The following GYS1 variants were observed in gnomAD, a reference collection of about 807,000 sequenced individuals.
GYS1 encodes the protein glycogen synthase 1, also known as glycogen [starch] synthase, muscle.
Under a neutral mutation model 89.1 loss-of-function variants are expected in GYS1, and 60 were observed. The ratio of observed to expected loss-of-function variants is 0.67; its 90% confidence interval spans 0.55 to 0.84. GYS1 has a LOEUF of 0.84. Ranked by LOEUF, GYS1 falls within the 40% of genes least tolerant of loss-of-function variation. The pLI is 0.00. For synonymous variants in GYS1, 366 were observed against 401.7 expected (o/e 0.91, Z 1.06); for missense variants, 888 against 1,003.1 (o/e 0.89, Z 1.55).
chr19:48,986,195 G>A (rs1262347762), intron 3 of GYS1, among the ~76,000 whole-genome samples, 160 bp from the exon 4 acceptor site: 1 of 152,220 alleles, frequency 6.6e-6, no homozygotes, highest in African/African-American at 2.4e-5. Flanking sequence ...ACAGGGACCT[G>A]TAAATCCCTG....
At chr19:48,985,716 T>C in intron 4 of GYS1, 111 bp from the exon 5 acceptor site, 1 of 1,507,672 alleles carries the variant, frequency 6.6e-7, no homozygotes, top group Non-Finnish European at 9.2e-7. Context: ...TTCCTGGGTC[T>C]GAGGTAGGAG....
chr19:48,974,740 G>A lies in GYS1; in HGVS notation c.1309-7C>T, dbSNP rs746250182. 1.3e-6 allele frequency: 2 copies of A among 1,589,498 alleles called. No individual in the cohort carries two copies. The highest frequency in any genetic ancestry group is 1.7e-6 in the Non-Finnish European group (2 of 1,157,908). ...CAGGGGGGAAAGACTGCCGCTGCAG[G>A]AGCCACAAGAAGGGTAAGGGGTCAT... On this transcript the variant is annotated splice_polypyrimidine_tract_variant and splice_region_variant and intron_variant, in intron 10 of 15. Transcript: ENST00000323798.
In GYS1 at chr19:48,968,151, T is replaced by G. The variant is rs1225607272; in HGVS notation, c.*1137A>C. ...GGGATTCTTAAATATAGATGTATTTTTTTCATCTCATCTCCGGACACACTC... is the reference window on the plus strand; with the variant it reads ...GGGATTCTTAAATATAGATGTATTTGTTTCATCTCATCTCCGGACACACTC... On this transcript the variant is annotated 3_prime_UTR_variant, in exon 16 of 16. Coordinates refer to ENST00000323798, the MANE Select transcript of GYS1 (RefSeq NM_002103.5). The G allele has an allele frequency of 2.2e-6, 1 of 451,780 alleles. No individual in the cohort carries two copies. Among genetic ancestry groups the G allele is most frequent in the Non-Finnish European group, 4.4e-6 (1 of 225,212 alleles). 28.0% of individuals were successfully genotyped at this position (451,780 alleles called of 1,614,324 possible).
At chr19:48,979,168 C>T (rs962042959) in intron 8 of GYS1, among the ~76,000 whole-genome samples, 10 of 151,840 alleles carry the variant, frequency 6.6e-5, no homozygotes, top group African/African-American at 2.4e-5. Context: ...ATGCTAAGCC[C>T]CATTTTATAC....
At position 48,982,912 on chromosome 19, in the gene GYS1, G is replaced by A. The variant is rs1239139500; in HGVS notation, c.824-75C>T. On this transcript the variant is annotated intron_variant, in intron 5 of 15. Transcript: ENST00000323798. ...TGTTGTGGTTGAATGAATAAATGAAGAAAACACCCTTTGCCTTTTGCAATT... is the reference window on the plus strand; with the variant it reads ...TGTTGTGGTTGAATGAATAAATGAAAAAAACACCCTTTGCCTTTTGCAATT... The A allele has an allele frequency of 1.3e-5, 14 of 1,105,014 alleles. No homozygotes were observed. The East Asian group carries it at 3.1e-4, about 24-fold the overall frequency. 68.5% of individuals were successfully genotyped at this position (1,105,014 alleles called of 1,614,324 possible). A position where few individuals can be genotyped will look rare whatever the true frequency, so the allele number is the denominator to read the frequency against.
At chr19:48,971,046 C>A in intron 12 of GYS1, 23 bp from the exon 13 acceptor site, 1 of 1,512,070 alleles carries the variant, frequency 6.6e-7, no homozygotes, top group African/African-American at 1.4e-5. Flanking sequence ...AGGAGAGAGA[C>A]CCACTTAGCT....
intron 5 of GYS1, among the ~76,000 whole-genome samples, 193 bp from the exon 6 acceptor site, chr19:48,983,030 A>G (rs2038791225): frequency 6.6e-6 from 1 of 152,122 alleles, no homozygotes; most frequent in Middle Eastern, 3.2e-3. Flanking sequence ...TCTGTCGCTC[A>G]GGCTGGAGAG....
In GYS1 at chr19:48,978,126, C is replaced by T. The variant is rs780447178; in HGVS notation, c.1201G>A (p.Gly401Arg). Residue 401 changes from glycine to arginine, a missense_variant, in exon 9 of 16, where the codon GGG (glycine) becomes AGG (arginine). Gly to Arg is a moderately radical substitution (Grantham distance 125). Coordinates refer to ENST00000323798, the MANE Select transcript of GYS1 (RefSeq NM_002103.5). ...AGTAAGGATTCATAAAGCTTCCTCC[C>T]GAACTTTTCCTTCACCGTGTTGGCC... Reference protein sequence around the residue: ...DTANTVKEKFGRKLYESLLVG... With the variant: ...DTANTVKEKFRRKLYESLLVG... 22 of 1,614,108 alleles carry T rather than the reference C, an allele frequency of 1.4e-5. No individual in the cohort carries two copies. The highest frequency in any genetic ancestry group is 4.5e-5 in the East Asian group (2 of 44,878).
intron 8 of GYS1, among the ~76,000 whole-genome samples, chr19:48,980,658 T>TGA (rs146580571): frequency 1.2e-5 from 1 of 80,876 alleles, no homozygotes; most frequent in African/African-American, 4.1e-5. Context: ...AGACTCTGTT[T>TGA]CAAAAAAAAA....
chr19:48,971,286 T>C (rs1326183087), intron 12 of GYS1, among the ~76,000 whole-genome samples: 1 of 152,200 alleles, frequency 6.6e-6, no homozygotes, highest in Non-Finnish European at 1.5e-5. Flanking sequence ...GCTAATTTAT[T>C]GAGCATCCCA....
At chr19:48,982,500 A>G in intron 6 of GYS1, 125 bp from the exon 7 acceptor site, 1 of 1,109,348 alleles carries the variant, frequency 9.0e-7, no homozygotes, top group Non-Finnish European at 1.4e-6. Flanking sequence ...CAGAGGCATC[A>G]CGGGGCCTCC....
At chr19:48,981,713 C>A in intron 7 of GYS1, 77 bp from the exon 8 acceptor site, 3 of 880,106 alleles carry the variant, frequency 3.4e-6, no homozygotes, top group South Asian at 1.4e-5. Context: ...CTGTCAAGAC[C>A]ACTGGGATCC....
intron 10 of GYS1, 61 bp from the exon 11 acceptor site, chr19:48,974,794 C>T: frequency 2.5e-6 from 3 of 1,199,328 alleles, no homozygotes; most frequent in East Asian, 4.7e-5. Flanking sequence ...CCTACTTCCT[C>T]ATGAGCCATG....
chr19:48,976,431 ACT>A lies in GYS1; in HGVS notation c.1308+1491_1308+1492del, dbSNP rs1374000651. The stretch of plus-strand genomic sequence containing the variant: ...GAGTTGTAGTTTTTTGGGCCCCTAG[ACT>A]CAATAGAATGACGGTAAGTTCTCAT... On this transcript the variant is annotated intron_variant, in intron 10 of 15. Transcript: ENST00000323798. Among the ~76,000 whole-genome samples the A allele has an allele frequency of 1.3e-5, 2 of 151,942 alleles. 1 individual carries two copies. Among genetic ancestry groups the A allele is most frequent in the Non-Finnish European group, 2.9e-5 (2 of 67,974 alleles).
intron 3 of GYS1, 138 bp from the exon 4 acceptor site, chr19:48,986,173 A>T (rs2038841341): frequency 1.3e-6 from 1 of 778,196 alleles, no homozygotes; most frequent in African/African-American, 1.7e-5. Context: ...CCACTGCAGC[A>T]ATCCCAACCG....
intron 14 of GYS1, among the ~76,000 whole-genome samples, chr19:48,970,092 A>G (rs2038534314): frequency 2.6e-5 from 4 of 152,260 alleles, no homozygotes; most frequent in South Asian, 2.1e-4. Context: ...CTCTTTGGCC[A>G]CACCCTTATG....
At position 48,970,929 on chromosome 19, in the gene GYS1, G is replaced by A. The variant is rs751603575; in HGVS notation, c.1644C>T (p.Tyr548=). 1.2e-6 allele frequency: 2 copies of A among 1,609,780 alleles called. No homozygotes were observed. Among genetic ancestry groups the A allele is most frequent in the Non-Finnish European group, 8.5e-7 (1 of 1,176,056 alleles). The stretch of plus-strand genomic sequence containing the variant: ...ATCCTCAGGGGCCTGGGCGCTGACC[G>A]TAAGCTGAGGGGTCTGCGATGTGTT... ...MEEHIADPSA[Y]GIYILDRRFR... The change falls in exon 13 of 16, where the codon TAC becomes TAT. Residue 548 remains tyrosine (Y), a splice_region_variant and synonymous_variant. Coordinates refer to ENST00000323798, the MANE Select transcript of GYS1 (RefSeq NM_002103.5).
rs1259312680 is a variant in GYS1 at position 48,979,361 on chromosome 19, T to C, written c.1170-1204A>G. ...CTTTTTTTTTTTTTTTTTTTTTTTTTTTTTTTTTTTTTTTTTGAGACAGAG... is the reference window on the plus strand; with the variant it reads ...CTTTTTTTTTTTTTTTTTTTTTTTTCTTTTTTTTTTTTTTTTGAGACAGAG... On this transcript the variant is annotated intron_variant, in intron 8 of 15. Transcript: ENST00000323798. Among the ~76,000 whole-genome samples the C allele has an allele frequency of 3.7e-3, 185 of 49,800 alleles. 5 individuals carry two copies. Among genetic ancestry groups the C allele is most frequent in the Admixed American group, 8.5e-3 (44 of 5,164 alleles). 32.7% of individuals were successfully genotyped at this position (49,800 alleles called of 152,430 possible). A position where few individuals can be genotyped will look rare whatever the true frequency, so the allele number is the denominator to read the frequency against.
intron 10 of GYS1, among the ~76,000 whole-genome samples, chr19:48,975,676 C>CCAGCACT (rs2038634709): frequency 6.6e-6 from 1 of 151,734 alleles, no homozygotes; most frequent in Admixed American, 6.6e-5. Flanking sequence ...GCCTGTAATC[C>CCAGCACT]CAGCACTCTG....
Sources: allele counts gnomAD v4.1 joint callset (sites outside exome capture counted in the v4.1 genomes callset), GRCh38; gene constraint gnomAD v4.1.1; transcripts MANE v1.5; gene names NCBI Gene and HGNC (gene_info 2026-07-23, HGNC 2026-07-21).